Variants in ISCA2 observed in about 807,000 individuals in gnomAD.
ISCA2 encodes iron-sulfur cluster assembly 2.
Under a neutral mutation model 19.1 loss-of-function variants are expected in ISCA2, and 21 were observed. The ratio of observed to expected loss-of-function variants is 1.10; its 90% CI spans 0.78 to 1.59. The LOEUF is 1.59. ISCA2 is among the 40% of genes most tolerant of loss of function. The pLI, the probability that ISCA2 is intolerant of heterozygous loss-of-function variation, is 0.00. For missense variants in ISCA2, 181 were observed against 191.7 expected (o/e 0.94, Z 0.33); for synonymous variants, 107 against 83.8 (o/e 1.28, Z -1.51).
In ISCA2 at chr14:74,494,594, T is replaced by C. The variant is rs548860473; in HGVS notation, c.290+204T>C. ...AGCAAAATTGATCTGCCCAGGTCCA[T>C]TGGGTAGTCGGTAGAAAGTCAGGCC... is the stretch of plus-strand genomic sequence containing the variant. On this transcript the variant is annotated intron_variant, in intron 3 of 3. Coordinates refer to ENST00000556816, the MANE Select transcript of ISCA2 (RefSeq NM_194279.4). 1.4e-3 allele frequency: 859 copies of C among 618,782 alleles called. 2 individuals carry two copies. Among genetic ancestry groups the C allele is most frequent in the Non-Finnish European group, 2.2e-3 (785 of 353,414 alleles). The allele number at this position is 618,782 out of a possible 1,614,324, so 38.3% of individuals were successfully genotyped here.
At position 74,497,049 on chromosome 14, in the gene ISCA2, T is replaced by A. The variant is rs2086854457; in HGVS notation, c.*2049T>A. 1 of 143,870 alleles carries A rather than the reference T, an allele frequency of 7.0e-6. No homozygotes were observed. Among genetic ancestry groups the A allele is most frequent in the Non-Finnish European group, 1.5e-5 (1 of 67,174 alleles). The allele number at this position is 143,870 out of a possible 1,614,324, so 8.9% of individuals were successfully genotyped here. On this transcript the variant is annotated 3_prime_UTR_variant, in exon 4 of 4. Coordinates refer to ENST00000556816, the MANE Select transcript of ISCA2 (RefSeq NM_194279.4). ...TCACTTGAACCCAGGAGGTGGAGAT[T>A]GCAGTGAGCCAAGATTGCACCACTG... is the stretch of plus-strand genomic sequence containing the variant.
At position 74,495,767 on chromosome 14, in the gene ISCA2, C is replaced by T. The variant is rs2086840151; in HGVS notation, c.*767C>T. 1 of 152,196 alleles carries T rather than the reference C, an allele frequency of 6.6e-6. No homozygotes were observed. Among genetic ancestry groups the T allele is most frequent in the South Asian group, 2.1e-4 (1 of 4,834 alleles). 9.4% of individuals were successfully genotyped at this position (152,196 alleles called of 1,614,324 possible). A position where few individuals can be genotyped will look rare whatever the true frequency, so the allele number is the denominator to read the frequency against. On this transcript the variant is annotated 3_prime_UTR_variant, in exon 4 of 4. Coordinates refer to ENST00000556816, the MANE Select transcript of ISCA2 (RefSeq NM_194279.4). Reference sequence around the variant, plus strand: ...TGTAAAATGGCTCTGGTCTCATGCACAGCAGGAAGTGATCCCTTTATTGTT... The same window carrying T: ...TGTAAAATGGCTCTGGTCTCATGCATAGCAGGAAGTGATCCCTTTATTGTT...
At chr14:74,494,190 T>C (rs2086817692) in intron 2 of ISCA2, 38 bp downstream of exon 2, 1 of 1,575,068 alleles carries the variant, frequency 6.3e-7, no homozygotes, top group Non-Finnish European at 8.7e-7. Context: ...ACCCAGGCGA[T>C]TGGCGGGAGC....
Position 74,493,788 on chromosome 14 carries a change from G to A in ISCA2, c.14G>A (p.Trp5Ter), listed in dbSNP as rs1339989244. 4.6e-6 allele frequency: 7 copies of A among 1,529,762 alleles called. No homozygotes were observed. Among genetic ancestry groups the A allele is most frequent in the Non-Finnish European group, 5.3e-6 (6 of 1,141,084 alleles). The allele number at this position is 1,529,762 out of a possible 1,614,324, so 94.8% of individuals were successfully genotyped here. MAAA[W>*]GSSLTAATQR... is the part of the protein sequence containing the mutation. ...TTGTGGAGGAAGATGGCTGCCGCCTGGGGGTCGTCCCTAACGGCCGCGACG... is the reference window on the plus strand; with the variant it reads ...TTGTGGAGGAAGATGGCTGCCGCCTAGGGGTCGTCCCTAACGGCCGCGACG... Residue 5 changes from tryptophan to a stop codon, truncating the protein, a stop_gained, in exon 1 of 4, where the codon TGG (tryptophan) becomes TAG (stop). Coordinates refer to ENST00000556816, the MANE Select transcript of ISCA2 (RefSeq NM_194279.4). LOFTEE classifies it high-confidence loss of function. The surrounding 1 kb of genome is among the most constrained non-coding windows in gnomAD (Gnocchi z 4.1).
At chr14:74,494,448 G>C (rs1273715889) in intron 3 of ISCA2, 58 bp downstream of exon 3, 2 of 1,232,890 alleles carry the variant, frequency 1.6e-6, no homozygotes, top group Non-Finnish European at 2.4e-6. Context: ...AGTGTCTCCA[G>C]TTTAAGGTGC....
Position 74,494,142 on chromosome 14 carries a change from G to A in ISCA2, c.164G>A (p.Ser55Asn), listed in dbSNP as rs1303434815. 6.3e-7 allele frequency: 1 copy of A among 1,588,728 alleles called. No homozygotes were observed. The change falls in exon 2 of 4, where the codon AGT (serine) becomes AAT (asparagine). Residue 55 changes from serine (S) to asparagine (N), a missense_variant. By Grantham distance (46) the Ser-to-Asn change is conservative. Transcript: ENST00000556816. ...AGEGQIRLTD[S>N]CVQRLLEITE... ...GAAGGGCAGATCCGCCTCACAGACA[G>A]TTGCGTCCAGGTAGGAGGCCGGACG...
intron 2 of ISCA2, 60 bp downstream of exon 2, chr14:74,494,212 C>CTCT (rs754227026): frequency 6.3e-7 from 1 of 1,581,044 alleles, no homozygotes; most frequent in East Asian, 2.3e-5. Context: ...GCGGGAACTG[C>CTCT]TCTTCACTCA....
In ISCA2 at chr14:74,494,032, C is replaced by G; in HGVS notation, c.72-18C>G. 1 of 1,531,694 alleles carries G rather than the reference C, an allele frequency of 6.5e-7. No homozygotes were observed. The allele number at this position is 1,531,694 out of a possible 1,614,324, so 94.9% of individuals were successfully genotyped here. A position where few individuals can be genotyped will look rare whatever the true frequency, so the allele number is the denominator to read the frequency against. On this transcript the variant is annotated intron_variant, in intron 1 of 3. Transcript: ENST00000556816. ...TGCCCCTTCTGCTCCCGGGCTCACC[C>G]TCCTCCCTTGCGCGCAGGCTCCTCA...
Position 74,494,745 on chromosome 14 carries a change from A to C in ISCA2, c.291-81A>C, listed in dbSNP as rs2086827337. The C allele has an allele frequency of 1.8e-5, 22 of 1,249,646 alleles. No homozygotes were observed. The South Asian group carries it at 2.9e-4, about 17-fold the overall frequency. 77.4% of individuals were successfully genotyped at this position (1,249,646 alleles called of 1,614,324 possible). On this transcript the variant is annotated intron_variant, in intron 3 of 3. Coordinates refer to ENST00000556816, the MANE Select transcript of ISCA2 (RefSeq NM_194279.4). Reference sequence around the variant, plus strand: ...AAGCTCCCTCTGTACTTTAGAAAACAGAGGATGTGCACCTCTGGGCTCAGG... The same window carrying C: ...AAGCTCCCTCTGTACTTTAGAAAACCGAGGATGTGCACCTCTGGGCTCAGG...
At position 74,494,061 on chromosome 14, in the gene ISCA2, C is replaced by T. The variant is rs371830968; in HGVS notation, c.83C>T (p.Ala28Val). The change falls in exon 2 of 4, where the codon GCC becomes GTC. Residue 28 changes from alanine (A) to valine (V), a missense_variant. Physicochemically the swap from Ala to Val is moderately conservative, Grantham distance 64. Transcript: ENST00000556816. ...TPWPRGRLLT[A>V]SLGPQARREA... The stretch of plus-strand genomic sequence containing the variant: ...TCCCTTGCGCGCAGGCTCCTCACGG[C>T]CTCCCTGGGACCCCAGGCGCGTCGG... 216 of 1,543,008 alleles carry T rather than the reference C, an allele frequency of 1.4e-4. No individual in the cohort carries two copies. The African/African-American group carries it at 2.4e-3, about 17-fold the overall frequency.
Position 74,493,955 on chromosome 14 carries a change from G to C in ISCA2, c.72-95G>C. 1.4e-6 allele frequency: 2 copies of C among 1,467,230 alleles called. No homozygotes were observed. The highest frequency in any genetic ancestry group is 1.9e-6 in the Non-Finnish European group (2 of 1,076,028). 90.9% of individuals were successfully genotyped at this position (1,467,230 alleles called of 1,614,324 possible). On this transcript the variant is annotated intron_variant, in intron 1 of 3. Coordinates refer to ENST00000556816, the MANE Select transcript of ISCA2 (RefSeq NM_194279.4). The surrounding 1 kb of genome is among the most constrained non-coding windows in gnomAD (Gnocchi z 4.1). ...CGAGGGTTTGGTGGGAGGCCGTCCA[G>C]GTGGGGGTCGCCAGGTTTAGCGTGA... is the stretch of plus-strand genomic sequence containing the variant.
intron 3 of ISCA2, 136 bp from the exon 4 acceptor site, chr14:74,494,686 CAAAG>C (rs1329407499): frequency 1.4e-6 from 1 of 709,122 alleles, no homozygotes; most frequent in Non-Finnish European, 2.3e-6. Flanking sequence ...CATTTTGCCT[CAAAG>C]AAAATCAGCA....
Position 74,493,855 on chromosome 14 carries a change from C to A in ISCA2, c.71+10C>A. The A allele has an allele frequency of 6.4e-7, 1 of 1,558,080 alleles. No homozygotes were observed. Among genetic ancestry groups the A allele is most frequent in the Non-Finnish European group, 8.7e-7 (1 of 1,150,004 alleles). ...CCTGGCCGAGGGGCAGGTACCAAGACTAGAAAGGCACCTGGAAAGGGTGTT... is the reference window on the plus strand; with the variant it reads ...CCTGGCCGAGGGGCAGGTACCAAGAATAGAAAGGCACCTGGAAAGGGTGTT... On this transcript the variant is annotated intron_variant, in intron 1 of 3. Coordinates refer to ENST00000556816, the MANE Select transcript of ISCA2 (RefSeq NM_194279.4). This position sits in a 1 kb window ranked among gnomAD's most constrained non-coding sequence, Gnocchi z 4.1.
Position 74,494,865 on chromosome 14 carries a change from T to C in ISCA2, c.330T>C (p.Ser110=). 6.2e-7 allele frequency: 1 copy of C among 1,614,202 alleles called. No individual in the cohort carries two copies. Among genetic ancestry groups the C allele is most frequent in the Non-Finnish European group, 8.5e-7 (1 of 1,180,026 alleles). The change falls in exon 4 of 4, where the codon TCT becomes TCC. Residue 110 remains serine (S), a synonymous_variant. Transcript: ENST00000556816. ...GTGGGGCAAGAGTGGTGGTTGACTC[T>C]GATAGCTTGGCCTTCGTGAAAGGGG... ...EQGGARVVVD[S]DSLAFVKGAQ... is the part of the protein sequence containing the mutation.
At chr14:74,494,203 C>T (rs375619118) in intron 2 of ISCA2, 51 bp downstream of exon 2, 6 of 1,565,224 alleles carry the variant, frequency 3.8e-6, no homozygotes, top group South Asian at 1.1e-5. Flanking sequence ...GCGGGAGCAG[C>T]GGGAACTGCT....
Position 74,493,790 on chromosome 14 carries a change from G to C in ISCA2, c.16G>C (p.Gly6Arg), listed in dbSNP as rs1207122929. ...GTGGAGGAAGATGGCTGCCGCCTGG[G>C]GGTCGTCCCTAACGGCCGCGACGCA... MAAAW[G>R]SSLTAATQRA... The change falls in exon 1 of 4, where the codon GGG (glycine) becomes CGG (arginine). Residue 6 changes from glycine to arginine, a missense_variant. By Grantham distance (125) the Gly-to-Arg change is moderately radical. Transcript: ENST00000556816. The surrounding 1 kb of genome is among the most constrained non-coding windows in gnomAD (Gnocchi z 4.1). The C allele has an allele frequency of 1.3e-6, 2 of 1,532,258 alleles. No homozygotes were observed. Among genetic ancestry groups the C allele is most frequent in the East Asian group, 4.7e-5 (2 of 42,602 alleles). 94.9% of individuals were successfully genotyped at this position (1,532,258 alleles called of 1,614,324 possible). A position where few individuals can be genotyped will look rare whatever the true frequency, so the allele number is the denominator to read the frequency against.
rs900438026 is a variant in ISCA2 at position 74,494,278 on chromosome 14, CT to C, written c.182del (p.Leu61TrpfsTer56). 2 of 1,613,350 alleles carry C rather than the reference CT, an allele frequency of 1.2e-6. No homozygotes were observed. The highest frequency in any genetic ancestry group is 2.7e-5 in the African/African-American group (2 of 74,912). ...IRLTDSCVQR[L>X]LEITEGSEFL... Reference sequence around the variant, plus strand: ...GATCCCCCTTCCTGCATTTCAGAGGCTTTTGGAAATCACCGAAGGGTCAGAA... The same window carrying C: ...GATCCCCCTTCCTGCATTTCAGAGGCTTTGGAAATCACCGAAGGGTCAGAA... On this transcript the variant is annotated frameshift_variant, in exon 3 of 4. Transcript: ENST00000556816. LOFTEE classifies it high-confidence loss of function.
Position 74,495,079 on chromosome 14 carries a change from T to A in ISCA2, c.*79T>A. 1.5e-5 allele frequency: 16 copies of A among 1,053,766 alleles called. No individual in the cohort carries two copies. The highest frequency in any genetic ancestry group is 2.1e-5 in the Non-Finnish European group (15 of 700,580). The allele number at this position is 1,053,766 out of a possible 1,614,324, so 65.3% of individuals were successfully genotyped here. On this transcript the variant is annotated 3_prime_UTR_variant, in exon 4 of 4. Coordinates refer to ENST00000556816, the MANE Select transcript of ISCA2 (RefSeq NM_194279.4). The stretch of plus-strand genomic sequence containing the variant: ...TGGAATTAGTAGAATTCTAGAAGTT[T>A]ACTTCTAATCATGTCCCTCTCAATT...
Position 74,493,827 on chromosome 14 carries a change from C to T in ISCA2, c.53C>T (p.Thr18Ile). The T allele has an allele frequency of 6.4e-7, 1 of 1,559,610 alleles. No homozygotes were observed. Among genetic ancestry groups the T allele is most frequent in the Non-Finnish European group, 8.7e-7 (1 of 1,153,040 alleles). Residue 18 changes from threonine (T) to isoleucine (I), a missense_variant, in exon 1 of 4, where the codon ACT (threonine) becomes ATT (isoleucine). Thr to Ile is a moderately conservative substitution (Grantham distance 89). Coordinates refer to ENST00000556816, the MANE Select transcript of ISCA2 (RefSeq NM_194279.4). The surrounding 1 kb of genome is among the most constrained non-coding windows in gnomAD (Gnocchi z 4.1). The stretch of plus-strand genomic sequence containing the variant: ...ACGGCCGCGACGCAGAGAGCGGTCA[C>T]TCCCTGGCCGAGGGGCAGGTACCAA... ...SLTAATQRAV[T>I]PWPRGRLLTA...
Sources: allele counts gnomAD v4.1 joint callset, GRCh38; gene constraint gnomAD v4.1.1; non-coding constraint Gnocchi (gnomAD v3.1); transcripts MANE v1.5; gene names NCBI Gene and HGNC (gene_info 2026-07-23, HGNC 2026-07-21).